Variants in SRGAP2 observed in about 807,000 individuals in gnomAD.
The protein encoded by SRGAP2 is SLIT-ROBO Rho GTPase activating protein 2, also known as SLIT-ROBO Rho GTPase-activating protein 2.
SRGAP2 carries 15 observed loss-of-function variants against 57.2 expected under a neutral mutation model. That is an observed-to-expected ratio of 0.26 (90% CI 0.18 to 0.40). The LOEUF is 0.40. Among genes scored for constraint, SRGAP2 ranks in the 10% least tolerant of loss-of-function variants. The probability of loss-of-function intolerance (pLI) is 1.00; values close to 1 mark genes in which losing one functional copy is unlikely to be tolerated. For missense variants in SRGAP2, 520 were observed against 669.6 expected, an observed-to-expected ratio of 0.78 and a Z score of 2.47; for synonymous variants, 249 against 248.0, an observed-to-expected ratio of 1.00 and a Z score of -0.04.
chr1:206,342,007 A>G (rs1553335326), intron 3 of SRGAP2, among the ~76,000 whole-genome samples: 1 of 152,046 alleles, frequency 6.6e-6, no homozygotes, highest in Non-Finnish European at 1.5e-5. Context: ...CAAAAAAAAA[A>G]GGGAATGAGC....
At chr1:206,421,368 C>T (rs76722952) in intron 13 of SRGAP2, 94 bp downstream of exon 13, 10,079 of 586,698 alleles carry the variant, frequency 0.017, 136 homozygotes, top group South Asian at 0.032. Flanking sequence ...GGACAGACAC[C>T]TCTGACTTCA....
rs781876096 is a variant in SRGAP2, at chr1:206,461,028, GT to G, written c.2833-5del. 1 of 680,692 alleles carries G rather than the reference GT, an allele frequency of 1.5e-6. No homozygotes were observed. Among genetic ancestry groups the G allele is most frequent in the South Asian group, 1.7e-5 (1 of 59,716 alleles). 42.2% of individuals were successfully genotyped at this position (680,692 alleles called of 1,614,324 possible). ...TTTGCCTCACCTCCTCCTTTTTCCT[GT>G]TTTGCAGGATATTGAGGCAACAATG... On this transcript the variant is annotated splice_region_variant and splice_polypyrimidine_tract_variant and intron_variant, in intron 22 of 22. Coordinates refer to ENST00000573034, the MANE Select transcript of SRGAP2 (RefSeq NM_015326.5).
chr1:206,243,533 G>T (rs559694586), intron 2 of SRGAP2, among the ~76,000 whole-genome samples: 1 of 152,156 alleles, frequency 6.6e-6, no homozygotes, highest in Non-Finnish European at 1.5e-5. Context: ...AAGAGGCTTC[G>T]AGTCATAGGG....
chr1:206,327,165 A>G (rs181723460), intron 3 of SRGAP2, among the ~76,000 whole-genome samples: 137 of 152,162 alleles, frequency 9.0e-4, no homozygotes, highest in Middle Eastern at 3.4e-3. Flanking sequence ...TGTCTCTACT[A>G]AAAAACACAA....
At chr1:206,347,812 G>A (rs1416036719) in intron 4 of SRGAP2, among the ~76,000 whole-genome samples, 1 of 149,534 alleles carries the variant, frequency 6.7e-6, no homozygotes, top group Non-Finnish European at 1.5e-5. Context: ...CAAAGGGTAT[G>A]GAGATGTTGA....
rs141001591 is a variant in SRGAP2, at chr1:206,414,853, G to A, written c.1357-1036G>A. ...GTCGAATGAGAGAATATGCGGTGAA[G>A]TGCTCTAAAACCTGCTATGTTGCTG... On this transcript the variant is annotated intron_variant, in intron 10 of 22. Transcript: ENST00000573034. Among the ~76,000 whole-genome samples the A allele has an allele frequency of 2.5e-3, 375 of 152,318 alleles. 1 individual carries two copies. Among genetic ancestry groups the A allele is most frequent in the Non-Finnish European group, 3.9e-3 (263 of 68,030 alleles).
chr1:206,409,559 G>T (rs1658997588), intron 10 of SRGAP2, among the ~76,000 whole-genome samples: 1 of 152,090 alleles, frequency 6.6e-6, no homozygotes, highest in Admixed American at 6.6e-5. Context: ...AAGCGGGTGG[G>T]TCTCTTGAGG....
chr1:206,395,678 A>C (rs1657514181), intron 7 of SRGAP2, among the ~76,000 whole-genome samples: 1 of 151,276 alleles, frequency 6.6e-6, no homozygotes, highest in African/African-American at 2.4e-5. Context: ...CAACTTCCCT[A>C]CCTTTTTCAC....
chr1:206,332,936 G>A (rs1674479852), intron 3 of SRGAP2, among the ~76,000 whole-genome samples: 1 of 151,824 alleles, frequency 6.6e-6, no homozygotes, highest in Admixed American at 6.6e-5. Flanking sequence ...CCATCTTTGT[G>A]GTTTTCTCTA....
chr1:206,453,486 G>C (rs1174634551), intron 20 of SRGAP2, 106 bp downstream of exon 20: 3 of 463,712 alleles, frequency 6.5e-6, no homozygotes, highest in African/African-American at 6.1e-5. Context: ...ACCCCTGGGG[G>C]GTCCAGTGCA....
In SRGAP2 at chr1:206,454,633, G is replaced by A. The variant is rs1384311070; in HGVS notation, c.2361-245G>A. On this transcript the variant is annotated intron_variant, in intron 20 of 22. Coordinates refer to ENST00000573034, the MANE Select transcript of SRGAP2 (RefSeq NM_015326.5). This position sits in a 1 kb window ranked among gnomAD's most constrained non-coding sequence, Gnocchi z 4.3. ...TCGAATCCAGGTGTCCCCTAGCCAC[G>A]CTTTCCTGAGGAGCTGAGGAGCCCG... is the stretch of plus-strand genomic sequence containing the variant. 6.2e-6 allele frequency: 3 copies of A among 483,856 alleles called. No homozygotes were observed. The highest frequency in any genetic ancestry group is 3.6e-5 in the East Asian group (1 of 27,850). 30.0% of individuals were successfully genotyped at this position (483,856 alleles called of 1,614,324 possible).
chr1:206,278,329 CTTCT>C (rs1234240581), intron 2 of SRGAP2, among the ~76,000 whole-genome samples: 1,732 of 147,246 alleles, frequency 0.012, 38 homozygotes, highest in African/African-American at 0.04. Context: ...AAAATTTTTT[CTTCT>C]TTCTTCTACT....
chr1:206,203,771 G>C (rs1665558806), intron 1 of SRGAP2, 121 bp downstream of exon 1: 1 of 1,507,604 alleles, frequency 6.6e-7, no homozygotes, highest in Non-Finnish European at 8.9e-7. Context: ...CATCGCCTTA[G>C]CGGTGCCGCC....
chr1:206,436,563 C>T (rs1439026563), intron 14 of SRGAP2, among the ~76,000 whole-genome samples: 3 of 151,870 alleles, frequency 2.0e-5, no homozygotes, highest in African/African-American at 7.3e-5. Context: ...GTTGCCCAGG[C>T]TGGTCACAAA....
At chr1:206,286,743 G>C (rs1219120991) in intron 2 of SRGAP2, among the ~76,000 whole-genome samples, 14 of 151,024 alleles carry the variant, frequency 9.3e-5, no homozygotes, top group African/African-American at 3.2e-4. Flanking sequence ...AGCTAACCAC[G>C]TGACTGTGGG....
Position 206,454,236 on chromosome 1 carries a change from G to C in SRGAP2, c.2361-642G>C, listed in dbSNP as rs1663614568. 1.4e-6 allele frequency: 1 copy of C among 702,010 alleles called. No individual in the cohort carries two copies. The allele number at this position is 702,010 out of a possible 1,614,324, so 43.5% of individuals were successfully genotyped here. A position where few individuals can be genotyped will look rare whatever the true frequency, so the allele number is the denominator to read the frequency against. Reference sequence around the variant, plus strand: ...CTCTGTTGATAGCATCGCAAACCTGGTGGCAATCTGTGCGTGGACAGGACC... The same window carrying C: ...CTCTGTTGATAGCATCGCAAACCTGCTGGCAATCTGTGCGTGGACAGGACC... On this transcript the variant is annotated intron_variant, in intron 20 of 22. Transcript: ENST00000573034. This position sits in a 1 kb window ranked among gnomAD's most constrained non-coding sequence, Gnocchi z 4.3.
intron 10 of SRGAP2, among the ~76,000 whole-genome samples, chr1:206,414,144 G>A (rs954395222): frequency 3.3e-5 from 5 of 149,698 alleles, no homozygotes; most frequent in Non-Finnish European, 7.4e-5. Flanking sequence ...CAATTCTCCC[G>A]CCTCAGCCTC....
At chr1:206,401,271 C>T (rs1226166426) in intron 7 of SRGAP2, 150 bp from the exon 8 acceptor site, 1 of 709,876 alleles carries the variant, frequency 1.4e-6, no homozygotes, top group African/African-American at 1.8e-5. Flanking sequence ...AGAACTCTCA[C>T]CCAGACCTTG....
rs187608980 is a variant in SRGAP2, at chr1:206,227,031, A to G, written c.67+20994A>G. ...CTGAATACGGATGGGTAAATGCTAA[A>G]TAGCAAGTCTGCCAAGTTGAGCACA... On this transcript the variant is annotated intron_variant, in intron 2 of 22. Transcript: ENST00000573034. 1.6e-4 allele frequency among the ~76,000 whole-genome samples: 25 copies of G among 152,222 alleles called. No individual in the cohort carries two copies. In the East Asian group the frequency reaches 4.8e-3, roughly 29 times the overall value.
Sources: allele counts gnomAD v4.1 joint callset (sites outside exome capture counted in the v4.1 genomes callset), GRCh38; gene constraint gnomAD v4.1.1; non-coding constraint Gnocchi (gnomAD v3.1); transcripts MANE v1.5; gene names NCBI Gene and HGNC (gene_info 2026-07-23, HGNC 2026-07-21).